The following IPCEF1 variants were observed in gnomAD, a reference collection of about 807,000 sequenced individuals.
The protein encoded by IPCEF1 is interaction protein for cytohesin exchange factors 1, also known as interactor protein for cytohesin exchange factors 1.
Under a neutral mutation model 50.9 loss-of-function variants are expected in IPCEF1, and 31 were observed. The ratio of observed to expected loss-of-function variants is 0.61; its 90% CI spans 0.46 to 0.82. The LOEUF is 0.82. IPCEF1 is among the 40% of genes least tolerant of loss of function. IPCEF1 has a pLI of 0.00. For synonymous variants in IPCEF1, 181 were observed against 192.0 expected (o/e 0.94, Z 0.47); for missense variants, 458 against 514.0 (o/e 0.89, Z 1.05).
At chr6:154,217,326 C>A (rs2128611656) in intron 7 of IPCEF1, 1 of 152,422 alleles carries the variant, frequency 6.6e-6, no homozygotes, top group East Asian at 1.9e-4. Flanking sequence ...ACTTTCAGAG[C>A]TCATGGTCAG....
chr6:154,174,167 A>C (rs577567281), intron 10 of IPCEF1, among the ~76,000 whole-genome samples: 1 of 152,326 alleles, frequency 6.6e-6, no homozygotes, highest in Admixed American at 6.5e-5. Context: ...GAGCTCCTGA[A>C]GGAAGTACTA....
At position 154,190,615 on chromosome 6, in the gene IPCEF1, T is replaced by G. The variant is rs550239262; in HGVS notation, c.910+9053A>C. Among the ~76,000 whole-genome samples, 3 of 152,298 alleles carry G rather than the reference T, an allele frequency of 2.0e-5. No homozygotes were observed. In the East Asian group the frequency reaches 5.8e-4, roughly 29 times the overall value. On this transcript the variant is annotated intron_variant, in intron 10 of 11. Coordinates refer to ENST00000367220, the MANE Select transcript of IPCEF1 (RefSeq NM_001130700.2). ...GACAGTTTGGCATCTCTTATACAGT[T>G]AAACATACTCTTACCATACAATCCA...
Position 154,223,188 on chromosome 6 carries a change from G to C in IPCEF1, c.302C>G (p.Ser101Cys). The change falls in exon 6 of 12, where the codon TCT becomes TGT. Residue 101 changes from serine (S) to cysteine (C), a missense_variant. By Grantham distance (112) the Ser-to-Cys change is moderately radical (BLOSUM62 -1). Coordinates refer to ENST00000367220, the MANE Select transcript of IPCEF1 (RefSeq NM_001130700.2). ...NLPDFTVERA[S>C]ECKKKHAFKI... ...AACTTACTGCTTTTTCTTGCATTCA[G>C]ATGCTCTTTCCACAGTGAAATCAGG... 1 of 1,613,634 alleles carries C rather than the reference G, an allele frequency of 6.2e-7. No individual in the cohort carries two copies.
In IPCEF1 at chr6:154,246,872, G is replaced by A. The variant is rs114430458; in HGVS notation, c.77-112C>T. 3.1e-3 allele frequency: 3,911 copies of A among 1,278,800 alleles called. 87 individuals are homozygous for A. The African/African-American group carries it at 0.045, about 15-fold the overall frequency. 79.2% of individuals were successfully genotyped at this position (1,278,800 alleles called of 1,614,324 possible). ...GGCAACTTTTAATTGTTAACCCCCC[G>A]GGGAGCTGGATTTTTCACCAAGATT... On this transcript the variant is annotated intron_variant, in intron 4 of 11. Transcript: ENST00000367220.
intron 10 of IPCEF1, among the ~76,000 whole-genome samples, chr6:154,190,632 T>C (rs1430906542): frequency 6.6e-6 from 1 of 152,190 alleles, no homozygotes; most frequent in Admixed American, 6.5e-5. Flanking sequence ...ACTCTTACCA[T>C]ACAATCCAGC....
At chr6:154,210,484 TCAA>T (rs1777875475) in intron 9 of IPCEF1, among the ~76,000 whole-genome samples, 1 of 152,008 alleles carries the variant, frequency 6.6e-6, no homozygotes. Context: ...CTCTCTTAAA[TCAA>T]CAACAAGGAA....
At chr6:154,185,416 T>C (rs146744563) in intron 10 of IPCEF1, among the ~76,000 whole-genome samples, 133 of 152,232 alleles carry the variant, frequency 8.7e-4, no homozygotes, top group African/African-American at 3.0e-3. Flanking sequence ...AAAGTTAGAG[T>C]TTAGATTGTG....
intron 2 of IPCEF1, among the ~76,000 whole-genome samples, chr6:154,287,922 G>A (rs1195741056): frequency 3.3e-5 from 5 of 152,122 alleles, no homozygotes; most frequent in South Asian, 2.1e-4. Context: ...CAAATTTTAT[G>A]GTAAATAAAG....
intron 1 of IPCEF1, among the ~76,000 whole-genome samples, chr6:154,323,907 C>T (rs1216423524): frequency 2.6e-5 from 4 of 152,142 alleles, no homozygotes; most frequent in Non-Finnish European, 4.4e-5. Flanking sequence ...GAGCCAAGGT[C>T]GTGCCATTGC....
chr6:154,289,466 T>A (rs1372924648), intron 2 of IPCEF1, among the ~76,000 whole-genome samples: 1 of 148,290 alleles, frequency 6.7e-6, no homozygotes, highest in Non-Finnish European at 1.5e-5. Flanking sequence ...AAAAAAAAAA[T>A]CAACCCATAA....
chr6:154,314,347 G>A (rs1783160501), intron 1 of IPCEF1, among the ~76,000 whole-genome samples: 2 of 152,172 alleles, frequency 1.3e-5, no homozygotes, highest in South Asian at 2.1e-4. Context: ...GCAAAAGAAG[G>A]CCAAGCATAT....
intron 1 of IPCEF1, among the ~76,000 whole-genome samples, chr6:154,349,683 T>C (rs1041107137): frequency 5.3e-5 from 8 of 152,100 alleles, no homozygotes; most frequent in Non-Finnish European, 1.2e-4. Context: ...GATCAGTGCA[T>C]AAAACTCTGA....
chr6:154,172,210 C>T (rs1429875531), intron 10 of IPCEF1, among the ~76,000 whole-genome samples: 1 of 152,196 alleles, frequency 6.6e-6, no homozygotes, highest in Non-Finnish European at 1.5e-5. Context: ...GTCTACAACT[C>T]CCAGTGAAAT....
intron 1 of IPCEF1, among the ~76,000 whole-genome samples, chr6:154,351,649 A>C (rs1374669610): frequency 6.6e-6 from 1 of 152,220 alleles, no homozygotes; most frequent in African/African-American, 2.4e-5. Flanking sequence ...GGTAGACCAC[A>C]GGCTCAGAGA....
At chr6:154,293,504 T>C (rs905560957) in intron 1 of IPCEF1, among the ~76,000 whole-genome samples, 3 of 152,236 alleles carry the variant, frequency 2.0e-5, no homozygotes, top group African/African-American at 7.2e-5. Flanking sequence ...TAACATTCAG[T>C]GATCTGAATA....
rs186824684 is a variant in IPCEF1, at chr6:154,302,872, T to A, written c.-61-13116A>T. 7.1e-4 allele frequency among the ~76,000 whole-genome samples: 108 copies of A among 152,264 alleles called. No individual in the cohort carries two copies. In the Middle Eastern group the frequency reaches 0.014, roughly 19 times the overall value. ...TAATTTTCATGAATTTACCCAGTTG[T>A]CATCAGGCACTTAGTAGATGCTTAA... On this transcript the variant is annotated intron_variant, in intron 1 of 11. Coordinates refer to ENST00000367220, the MANE Select transcript of IPCEF1 (RefSeq NM_001130700.2).
At chr6:154,198,073 T>C (rs1452197526) in intron 10 of IPCEF1, among the ~76,000 whole-genome samples, 3 of 152,146 alleles carry the variant, frequency 2.0e-5, no homozygotes, top group Non-Finnish European at 4.4e-5. Context: ...GCAATCAATA[T>C]TCAATGAAAA....
At chr6:154,276,843 C>T (rs1226488783) in intron 2 of IPCEF1, among the ~76,000 whole-genome samples, 1 of 152,214 alleles carries the variant, frequency 6.6e-6, no homozygotes, top group Non-Finnish European at 1.5e-5. Flanking sequence ...TAACAAATAT[C>T]TGTTGACTTA....
At chr6:154,250,588 A>AT (rs1284534128) in intron 3 of IPCEF1, among the ~76,000 whole-genome samples, 4 of 152,224 alleles carry the variant, frequency 2.6e-5, no homozygotes, top group African/African-American at 7.2e-5. Context: ...AAATATACAA[A>AT]AGACCCAGTA....
Sources: gnomAD v4.1 joint callset for allele counts (sites outside exome capture counted in the v4.1 genomes callset) on GRCh38, gnomAD v4.1.1 for gene constraint, MANE v1.5 for transcripts, NCBI Gene and HGNC (gene_info 2026-07-23, HGNC 2026-07-21) for gene names.